VRK2: variants seen among roughly 807,000 people sequenced by gnomAD.
The protein encoded by VRK2 is serine/threonine-protein kinase VRK2.
Under a neutral mutation model 57.6 loss-of-function variants are expected in VRK2, and 60 were observed. The observed-to-expected ratio is 1.04, with a 90% CI of 0.85 to 1.29. VRK2 has a LOEUF of 1.29. VRK2 is among the 50% of genes most tolerant of loss of function. The pLI is 0.00. For synonymous variants in VRK2, 231 were observed against 199.2 expected (o/e 1.16, Z -1.35); for missense variants, 705 against 588.1 (o/e 1.20, Z -2.06).
Position 57,966,954 on chromosome 2 carries a change from T to C in VRK2, c.-438-58711T>C, listed in dbSNP as rs551808757. Among the ~76,000 whole-genome samples, 4 of 152,258 alleles carry C rather than the reference T, an allele frequency of 2.6e-5. 1 individual carries two copies. The highest frequency in any genetic ancestry group is 9.6e-5 in the African/African-American group (4 of 41,540). ...TCTAGAGAGAAGGATCAGCATGTGA[T>C]CAGCAGGAGAGAGTCTAGTAGAAAC... On this transcript the variant is annotated intron_variant, in intron 1 of 15. Transcript: ENST00000417641.
At chr2:58,102,349 C>T (rs1358570608) in intron 7 of VRK2, among the ~76,000 whole-genome samples, 1 of 151,138 alleles carries the variant, frequency 6.6e-6, no homozygotes, top group African/African-American at 2.4e-5. Flanking sequence ...ATACTAGTTA[C>T]AAGAAACTCA....
intron 1 of VRK2, among the ~76,000 whole-genome samples, chr2:58,000,670 G>T (rs1673062652): frequency 6.6e-6 from 1 of 152,192 alleles, no homozygotes; most frequent in Non-Finnish European, 1.5e-5. Flanking sequence ...GAGCAAAAAT[G>T]AGAGTTTATT....
At chr2:58,004,065 T>G (rs753212240) in intron 1 of VRK2, among the ~76,000 whole-genome samples, 25 of 152,138 alleles carry the variant, frequency 1.6e-4, no homozygotes, top group Non-Finnish European at 2.1e-4. Flanking sequence ...TTTTGACTCT[T>G]TCTCAGAATC....
At chr2:57,964,652 A>C (rs1671857844) in intron 1 of VRK2, among the ~76,000 whole-genome samples, 1 of 152,172 alleles carries the variant, frequency 6.6e-6, no homozygotes, top group Middle Eastern at 3.2e-3. Flanking sequence ...TGGGAGGCCA[A>C]GGTGGGCGGA....
In VRK2 at chr2:58,157,281, T is replaced by C. The variant is rs567560829; in HGVS notation, c.1183-2068T>C. ...TTTTTCATAGCTTCCCAGTCGATTC[T>C]GATGTGCATTCAAAGTTAATAACTA... On this transcript the variant is annotated intron_variant, in intron 12 of 12. Coordinates refer to ENST00000340157, the MANE Select transcript of VRK2 (RefSeq NM_006296.7). 1.4e-4 allele frequency among the ~76,000 whole-genome samples: 22 copies of C among 152,322 alleles called. 1 individual carries two copies. The South Asian group carries it at 3.9e-3, about 27-fold the overall frequency.
intron 1 of VRK2, among the ~76,000 whole-genome samples, chr2:57,922,212 T>C (rs1404010763): frequency 1.3e-5 from 2 of 152,020 alleles, no homozygotes; most frequent in Admixed American, 1.3e-4. Context: ...ATTGAATTAT[T>C]GCCTTTAAAT....
At chr2:58,071,273 T>G (rs1669327627) in intron 2 of VRK2, among the ~76,000 whole-genome samples, 1 of 152,096 alleles carries the variant, frequency 6.6e-6, no homozygotes, top group Non-Finnish European at 1.5e-5. Flanking sequence ...CTTAACAGTG[T>G]CTTTGACAGA....
chr2:58,029,300 C>T (rs1268691849), intron 2 of VRK2, among the ~76,000 whole-genome samples: 1 of 152,058 alleles, frequency 6.6e-6, no homozygotes, highest in Non-Finnish European at 1.5e-5. Context: ...CCTTCACCAT[C>T]TTTTTCCTAT....
At chr2:58,121,385 T>C (rs1237275379) in intron 7 of VRK2, among the ~76,000 whole-genome samples, 1 of 152,206 alleles carries the variant, frequency 6.6e-6, no homozygotes, top group Non-Finnish European at 1.5e-5. Context: ...GAAGCCTGTT[T>C]AGTTCTTGAA....
At chr2:58,073,922 T>C (rs1669708254) in intron 2 of VRK2, among the ~76,000 whole-genome samples, 1 of 151,958 alleles carries the variant, frequency 6.6e-6, no homozygotes, top group South Asian at 2.1e-4. Context: ...GGCAGCTGAT[T>C]AGATTGGGCC....
intron 7 of VRK2, among the ~76,000 whole-genome samples, chr2:58,100,884 G>T (rs909489173): frequency 1.4e-4 from 21 of 151,628 alleles, no homozygotes; most frequent in African/African-American, 2.7e-4. Flanking sequence ...ACATCAATTT[G>T]TTTATTAAAG....
chr2:58,057,627 A>G (rs1676721902), intron 2 of VRK2, among the ~76,000 whole-genome samples: 1 of 152,196 alleles, frequency 6.6e-6, no homozygotes, highest in African/African-American at 2.4e-5. Context: ...GTATGTATGC[A>G]TGTAACATGC....
intron 12 of VRK2, 50 bp downstream of exon 12, chr2:58,146,524 A>G (rs1387264686): frequency 1.7e-5 from 26 of 1,567,310 alleles, no homozygotes; most frequent in Non-Finnish European, 2.2e-5. Flanking sequence ...TTACATTAGA[A>G]TATGCCCTTT....
At chr2:58,064,965 A>G (rs1668421448) in intron 2 of VRK2, among the ~76,000 whole-genome samples, 1 of 151,890 alleles carries the variant, frequency 6.6e-6, no homozygotes, top group South Asian at 2.1e-4. Context: ...CTTCTTTCTC[A>G]TTTCTGCATA....
chr2:58,059,193 T>C (rs1487452892), intron 2 of VRK2, among the ~76,000 whole-genome samples: 1 of 152,046 alleles, frequency 6.6e-6, no homozygotes, highest in Admixed American at 6.6e-5. Flanking sequence ...ACATTAAAAA[T>C]GTACCATACC....
chr2:57,986,726 G>A (rs1388566498), intron 1 of VRK2, among the ~76,000 whole-genome samples: 1 of 150,374 alleles, frequency 6.7e-6, no homozygotes, highest in East Asian at 2.0e-4. Flanking sequence ...AGCCTCCCAA[G>A]CAGCTGGGAT....
rs576545807 is a variant in VRK2, at chr2:57,985,370, A to G, written c.-438-40295A>G. Among the ~76,000 whole-genome samples, 12 of 152,200 alleles carry G rather than the reference A, an allele frequency of 7.9e-5. No homozygotes were observed. In the South Asian group the frequency reaches 1.9e-3, roughly 24 times the overall value. On this transcript the variant is annotated intron_variant, in intron 1 of 15. Transcript: ENST00000417641. Reference sequence around the variant, plus strand: ...GAATTAATAAACGTAAAGATTTGACATATTTCTGTGGCTATTTTGTAAATA... The same window carrying G: ...GAATTAATAAACGTAAAGATTTGACGTATTTCTGTGGCTATTTTGTAAATA...
chr2:58,046,783 GA>G, upstream of VRK2: 6 of 985,578 alleles, frequency 6.1e-6, no homozygotes, highest in Non-Finnish European at 7.2e-6. Context: ...CTCCCCGCGG[GA>G]CTGTAGGCCC....
At chr2:57,981,097 T>G (rs534927910) in intron 1 of VRK2, among the ~76,000 whole-genome samples, 2 of 152,300 alleles carry the variant, frequency 1.3e-5, no homozygotes, top group East Asian at 3.9e-4. Context: ...CTAGTTTTTA[T>G]GTAGATTTGA....
Sources: allele counts gnomAD v4.1 joint callset (sites outside exome capture counted in the v4.1 genomes callset), GRCh38; gene constraint gnomAD v4.1.1; transcripts MANE v1.5; gene names NCBI Gene and HGNC (gene_info 2026-07-23, HGNC 2026-07-21).